Variants in EXT1 observed in about 807,000 individuals in gnomAD.
EXT1 encodes exostosin-1.
EXT1 carries 20 observed loss-of-function variants against 82.5 expected under a neutral mutation model. That is an observed-to-expected ratio of 0.24 (90% CI 0.17 to 0.35). EXT1 has a LOEUF of 0.35. Ranked by LOEUF, EXT1 falls within the 10% of genes least tolerant of loss-of-function variation. EXT1 has a pLI of 1.00. For synonymous variants in EXT1, 348 were observed against 350.8 expected, an observed-to-expected ratio of 0.99 and a Z score of 0.09; for missense variants, 757 against 936.5, an observed-to-expected ratio of 0.81 and a Z score of 2.50.
At chr8:118,006,555 T>C (rs1344187662) in intron 1 of EXT1, among the ~76,000 whole-genome samples, 1 of 152,076 alleles carries the variant, frequency 6.6e-6, no homozygotes, top group East Asian at 1.9e-4. Flanking sequence ...ATCGTAACAA[T>C]AATGGGGGAC....
rs538861483 is a variant in EXT1 at position 117,864,525 on chromosome 8, G to A, written c.963-27324C>T. Reference sequence around the variant, plus strand: ...AGCACTTTGGGAGGCCGAGGCGGGCGGATCACGAGGTCAGGAGATCGAGAC... The same window carrying A: ...AGCACTTTGGGAGGCCGAGGCGGGCAGATCACGAGGTCAGGAGATCGAGAC... On this transcript the variant is annotated intron_variant, in intron 1 of 10. Coordinates refer to ENST00000378204, the MANE Select transcript of EXT1 (RefSeq NM_000127.3). 1.5e-3 allele frequency among the ~76,000 whole-genome samples: 234 copies of A among 152,192 alleles called. 3 individuals carry two copies. Among genetic ancestry groups the A allele is most frequent in the African/African-American group, 5.2e-3 (215 of 41,522 alleles).
intron 4 of EXT1, 135 bp downstream of exon 4, chr8:117,830,095 A>T: frequency 8.9e-7 from 1 of 1,128,394 alleles, no homozygotes; most frequent in Non-Finnish European, 1.3e-6. Context: ...AAAGAGGTTA[A>T]CCAATATATC....
intron 1 of EXT1, among the ~76,000 whole-genome samples, chr8:118,005,927 G>A (rs1815766105): frequency 6.6e-6 from 1 of 152,148 alleles, no homozygotes; most frequent in Non-Finnish European, 1.5e-5. Flanking sequence ...GTCCATCAAA[G>A]CAGCCATCTC....
chr8:117,934,655 C>T (rs551185389), intron 1 of EXT1, among the ~76,000 whole-genome samples: 1 of 152,220 alleles, frequency 6.6e-6, no homozygotes, highest in African/African-American at 2.4e-5. Context: ...ATCTGAAATG[C>T]AGCCAGTTCA....
In EXT1 at chr8:118,110,456, G is replaced by A. The variant is rs770795716; in HGVS notation, c.591C>T (p.Ser197=). The stretch of plus-strand genomic sequence containing the variant: ...CCTCGGTGTAGTCAGGCCAAGTGCC[G>A]GAATATAAATTAAAAATTAAATGAT... ...GRNHLIFNLY[S]GTWPDYTEDV... is the part of the protein sequence containing the mutation. The change falls in exon 1 of 11, where the codon TCC becomes TCT. Residue 197 remains serine, a synonymous_variant. Transcript: ENST00000378204. The A allele has an allele frequency of 8.7e-6, 14 of 1,613,916 alleles. No individual in the cohort carries two copies. The highest frequency in any genetic ancestry group is 6.7e-5 in the African/African-American group (5 of 74,882).
At chr8:117,897,310 G>T (rs62521139) in intron 1 of EXT1, among the ~76,000 whole-genome samples, 38,195 of 152,054 alleles carry the variant, frequency 0.25, 5,625 homozygotes, top group East Asian at 0.36. Flanking sequence ...TCATGCATCA[G>T]ATGGTGTGGC....
intron 1 of EXT1, among the ~76,000 whole-genome samples, chr8:118,049,697 T>C (rs562345731): frequency 3.9e-5 from 6 of 152,338 alleles, no homozygotes; most frequent in African/African-American, 1.2e-4. Context: ...AAGAAGACAT[T>C]GCCAATAAAC....
At chr8:117,983,159 G>T (rs1002919003) in intron 1 of EXT1, among the ~76,000 whole-genome samples, 2 of 152,142 alleles carry the variant, frequency 1.3e-5, no homozygotes, top group African/African-American at 4.8e-5. Flanking sequence ...TTAGAAGAAG[G>T]AGTCATGAAT....
chr8:117,980,363 AC>A (rs1485779049), intron 1 of EXT1, among the ~76,000 whole-genome samples: 1 of 151,926 alleles, frequency 6.6e-6, no homozygotes, highest in Admixed American at 6.6e-5. Context: ...TCTAATCCAT[AC>A]CCATCTGCCA....
rs905788820 is a variant in EXT1, at chr8:117,799,568, T to C, written c.*144A>G. The C allele has an allele frequency of 6.1e-5, 11 of 181,302 alleles. No homozygotes were observed. The highest frequency in any genetic ancestry group is 1.7e-3 in the Middle Eastern group (1 of 590). The allele number at this position is 181,302 out of a possible 1,614,324, so 11.2% of individuals were successfully genotyped here. On this transcript the variant is annotated 3_prime_UTR_variant, in exon 11 of 11. Transcript: ENST00000378204. ...GCCAGGAGTTGAGTTCTCATTGGCC[T>C]TTTTTTTTTTGTCATTCTGCTCATC...
chr8:118,041,984 A>G (rs1485170342), intron 1 of EXT1, among the ~76,000 whole-genome samples: 4 of 151,480 alleles, frequency 2.6e-5, no homozygotes, highest in Non-Finnish European at 5.9e-5. Context: ...GGAAGACTAC[A>G]TTGGCCAACA....
At chr8:118,034,863 G>C (rs1469235462) in intron 1 of EXT1, among the ~76,000 whole-genome samples, 1 of 152,140 alleles carries the variant, frequency 6.6e-6, no homozygotes, top group East Asian at 1.9e-4. Flanking sequence ...TGTACACAGA[G>C]GGTTACACTC....
chr8:117,863,566 A>G (rs1812723323), intron 1 of EXT1, among the ~76,000 whole-genome samples: 1 of 152,282 alleles, frequency 6.6e-6, no homozygotes, highest in South Asian at 2.1e-4. Context: ...CTGATAATCA[A>G]GCACAATTGT....
intron 1 of EXT1, among the ~76,000 whole-genome samples, chr8:118,014,743 A>T (rs1438472317): frequency 6.6e-6 from 1 of 152,094 alleles, no homozygotes; most frequent in African/African-American, 2.4e-5. Flanking sequence ...CCAGCCAAGC[A>T]TCCTTCCTAA....
chr8:118,020,271 C>T (rs550476379), intron 1 of EXT1, among the ~76,000 whole-genome samples: 1 of 152,162 alleles, frequency 6.6e-6, no homozygotes, highest in African/African-American at 2.4e-5. Context: ...CACTCTAACA[C>T]TACTAAAGAG....
chr8:117,805,032 C>T (rs892008133), intron 9 of EXT1, 139 bp from the exon 10 acceptor site: 51 of 765,932 alleles, frequency 6.7e-5, no homozygotes, highest in East Asian at 1.0e-4. Flanking sequence ...ATGATGATGA[C>T]GATAACTATC....
At chr8:117,960,749 G>A (rs11562774) in intron 1 of EXT1, among the ~76,000 whole-genome samples, 9,599 of 152,240 alleles carry the variant, frequency 0.063, 681 homozygotes, top group African/African-American at 0.18. Context: ...CCTGGACACG[G>A]AGCCAACAAA....
chr8:117,843,767 A>G (rs1812309148), intron 1 of EXT1, among the ~76,000 whole-genome samples: 1 of 152,130 alleles, frequency 6.6e-6, no homozygotes, highest in African/African-American at 2.4e-5. Context: ...TTAAGTTTGG[A>G]GACCTCAAAA....
chr8:118,043,828 C>T (rs1238843137), intron 1 of EXT1, among the ~76,000 whole-genome samples: 3 of 152,170 alleles, frequency 2.0e-5, no homozygotes, highest in Non-Finnish European at 4.4e-5. Flanking sequence ...GAGACCAAAT[C>T]TATGCCAAAA....
Sources: gnomAD v4.1 joint callset for allele counts (sites outside exome capture counted in the v4.1 genomes callset) on GRCh38, gnomAD v4.1.1 for gene constraint, MANE v1.5 for transcripts, NCBI Gene and HGNC (gene_info 2026-07-23, HGNC 2026-07-21) for gene names.